Variants in UBE4B observed in about 807,000 individuals in gnomAD.
The protein encoded by UBE4B is ubiquitination factor E4B.
UBE4B carries 27 observed loss-of-function variants against 148.1 expected under a neutral mutation model. That is an observed-to-expected ratio of 0.18 (90% CI 0.13 to 0.25). UBE4B has a LOEUF of 0.25. UBE4B is among the 10% of genes least tolerant of loss of function. UBE4B has a pLI of 1.00. For missense variants in UBE4B, 1,170 were observed against 1,662.4 expected (o/e 0.70, Z 5.15); for synonymous variants, 596 against 619.3 (o/e 0.96, Z 0.56).
At position 10,072,668 on chromosome 1, in the gene UBE4B, T is replaced by C. The variant is rs955984810; in HGVS notation, c.211+454T>C. 1.8e-5 allele frequency: 10 copies of C among 569,930 alleles called. No homozygotes were observed. The Middle Eastern group carries it at 1.2e-3, about 68-fold the overall frequency. The allele number at this position is 569,930 out of a possible 1,614,324, so 35.3% of individuals were successfully genotyped here. A position where few individuals can be genotyped will look rare whatever the true frequency, so the allele number is the denominator to read the frequency against. The stretch of plus-strand genomic sequence containing the variant: ...CTTTTCAGAGGATAAAACTACCTGA[T>C]AGGATGTTTAGAACTATCTCATTAA... On this transcript the variant is annotated intron_variant, in intron 2 of 27. Transcript: ENST00000343090.
At chr1:10,086,902 C>G (rs1644774771) in intron 2 of UBE4B, among the ~76,000 whole-genome samples, 1 of 152,088 alleles carries the variant, frequency 6.6e-6, no homozygotes, top group Admixed American at 6.5e-5. Flanking sequence ...GTTGGCCAGG[C>G]TGGTGTCAAA....
At chr1:10,051,171 T>C (rs1395546097) in intron 1 of UBE4B, among the ~76,000 whole-genome samples, 1 of 152,162 alleles carries the variant, frequency 6.6e-6, no homozygotes, top group Non-Finnish European at 1.5e-5. Context: ...TTCCTGGCTC[T>C]TACCTGGATT....
At chr1:10,073,459 T>C (rs1477108931) in intron 2 of UBE4B, among the ~76,000 whole-genome samples, 4 of 152,156 alleles carry the variant, frequency 2.6e-5, no homozygotes, top group African/African-American at 9.7e-5. Context: ...TGGTTGCTCA[T>C]GCCTGTAATC....
chr1:10,156,149 C>G (rs1371982986), intron 21 of UBE4B, among the ~76,000 whole-genome samples: 4 of 150,868 alleles, frequency 2.7e-5, no homozygotes, highest in Non-Finnish European at 4.4e-5. Flanking sequence ...AGAACTTGGG[C>G]TGGTATGACT....
At chr1:10,138,101 A>AT (rs773852548) in intron 17 of UBE4B, among the ~76,000 whole-genome samples, 484 of 132,238 alleles carry the variant, frequency 3.7e-3, no homozygotes, top group Middle Eastern at 7.8e-3. Context: ...CGCCTGGCCA[A>AT]TTTTTTTTTT....
intron 2 of UBE4B, among the ~76,000 whole-genome samples, chr1:10,090,679 C>T (rs1166249529): frequency 6.6e-6 from 1 of 152,130 alleles, no homozygotes; most frequent in Non-Finnish European, 1.5e-5. Flanking sequence ...CTCGACCGCC[C>T]AATCTGTTGG....
intron 3 of UBE4B, among the ~76,000 whole-genome samples, chr1:10,097,490 A>G (rs1176455583): frequency 6.6e-6 from 1 of 152,124 alleles, no homozygotes; most frequent in Non-Finnish European, 1.5e-5. Flanking sequence ...TTAAAAAATC[A>G]GGCCAGGAGC....
At chr1:10,169,399 C>T (rs1646304740) in intron 24 of UBE4B, among the ~76,000 whole-genome samples, 1 of 152,210 alleles carries the variant, frequency 6.6e-6, no homozygotes, top group Non-Finnish European at 1.5e-5. Flanking sequence ...GGCACTATTG[C>T]CACTCCCTGG....
At position 10,112,624 on chromosome 1, in the gene UBE4B, G is replaced by A. The variant is rs1645240360; in HGVS notation, c.1197-4835G>A. On this transcript the variant is annotated intron_variant, in intron 7 of 27. Transcript: ENST00000343090. ...CACATTGGCCAGGCTGGTCTTGCAC[G>A]CCTGACCTCAAGTGATCTGCCCCCC... Among the ~76,000 whole-genome samples, 2 of 152,026 alleles carry A rather than the reference G, an allele frequency of 1.3e-5. 1 individual carries two copies. Among genetic ancestry groups the A allele is most frequent in the Non-Finnish European group, 2.9e-5 (2 of 68,014 alleles).
chr1:10,086,733 C>T (rs1165000138), intron 2 of UBE4B, among the ~76,000 whole-genome samples: 1 of 151,944 alleles, frequency 6.6e-6, no homozygotes, highest in East Asian at 1.9e-4. Context: ...GTCTCACTGT[C>T]ACCCAGGATG....
At position 10,157,508 on chromosome 1, in the gene UBE4B, G is replaced by A. The variant is rs560037421; in HGVS notation, c.2927-848G>A. On this transcript the variant is annotated intron_variant, in intron 21 of 27. Transcript: ENST00000343090. Reference sequence around the variant, plus strand: ...AAATAATAATAAAATAGTTGGGCACGGTGGCTCACACCTGTAATCCCAGCA... The same window carrying A: ...AAATAATAATAAAATAGTTGGGCACAGTGGCTCACACCTGTAATCCCAGCA... Among the ~76,000 whole-genome samples the A allele has an allele frequency of 3.3e-5, 5 of 152,048 alleles. No homozygotes were observed. In the South Asian group the frequency reaches 8.3e-4, roughly 25 times the overall value.
chr1:10,091,380 A>G (rs1425809759), intron 2 of UBE4B, among the ~76,000 whole-genome samples: 1 of 152,156 alleles, frequency 6.6e-6, no homozygotes, highest in Non-Finnish European at 1.5e-5. Flanking sequence ...TTTAGTCGCA[A>G]TATTTAATTC....
chr1:10,101,058 T>C, intron 3 of UBE4B, 50 bp from the exon 4 acceptor site: 2 of 1,530,010 alleles, frequency 1.3e-6, no homozygotes, highest in Non-Finnish European at 9.0e-7. Flanking sequence ...ACAGTGACAT[T>C]GTGCGGATTT....
intron 1 of UBE4B, among the ~76,000 whole-genome samples, chr1:10,050,507 T>G (rs1228470454): frequency 6.6e-6 from 1 of 152,170 alleles, no homozygotes; most frequent in African/African-American, 2.4e-5. Flanking sequence ...GGGGTTTCAT[T>G]AAAATCACTT....
chr1:10,151,640 C>G lies in UBE4B; in HGVS notation c.2926+79C>G, dbSNP rs1246492094. ...TCTAAAGCTAGTGGACGACGTTGCT[C>G]TAAGCCTGTTACCTAATATCCTGCT... On this transcript the variant is annotated intron_variant, in intron 21 of 27. Coordinates refer to ENST00000343090, the MANE Select transcript of UBE4B (RefSeq NM_001105562.3). 7 of 1,264,732 alleles carry G rather than the reference C, an allele frequency of 5.5e-6. No homozygotes were observed. In the East Asian group the frequency reaches 1.2e-4, roughly 21 times the overall value. The allele number at this position is 1,264,732 out of a possible 1,614,324, so 78.3% of individuals were successfully genotyped here. A position where few individuals can be genotyped will look rare whatever the true frequency, so the allele number is the denominator to read the frequency against.
chr1:10,118,039 T>C (rs1260141667), intron 8 of UBE4B, among the ~76,000 whole-genome samples: 2 of 152,198 alleles, frequency 1.3e-5, no homozygotes, highest in Non-Finnish European at 2.9e-5. Flanking sequence ...GCATTCTTTT[T>C]TCAACGTATG....
intron 14 of UBE4B, among the ~76,000 whole-genome samples, chr1:10,131,853 T>C (rs1645599611): frequency 1.3e-5 from 2 of 151,914 alleles, no homozygotes; most frequent in South Asian, 4.1e-4. Flanking sequence ...CTTGGGAGGC[T>C]GAGGCAGGAG....
chr1:10,137,797 G>T (rs976403564), intron 17 of UBE4B, among the ~76,000 whole-genome samples: 3 of 151,992 alleles, frequency 2.0e-5, no homozygotes, highest in South Asian at 4.1e-4. Context: ...TTTTGAGCAG[G>T]TTATCTGGAA....
chr1:10,089,311 A>G (rs894607431), intron 2 of UBE4B, among the ~76,000 whole-genome samples: 1 of 152,172 alleles, frequency 6.6e-6, no homozygotes, highest in African/African-American at 2.4e-5. Flanking sequence ...AGCCAAGAAC[A>G]AAATGTTTTT....
Sources: allele counts gnomAD v4.1 joint callset (sites outside exome capture counted in the v4.1 genomes callset), GRCh38; gene constraint gnomAD v4.1.1; transcripts MANE v1.5; gene names NCBI Gene and HGNC (gene_info 2026-07-23, HGNC 2026-07-21).